MORC2: variants seen among roughly 807,000 people sequenced by gnomAD.
The protein encoded by MORC2 is MORC family CW-type zinc finger 2.
MORC2 carries 30 observed loss-of-function variants against 136.0 expected under a neutral mutation model. The observed-to-expected ratio is 0.22, with a 90% CI of 0.17 to 0.30. The LOEUF (loss-of-function observed/expected upper bound fraction) is 0.30. Among genes scored for constraint, MORC2 ranks in the 10% least tolerant of loss-of-function variants. The probability of loss-of-function intolerance (pLI) is 1.00; values close to 1 mark genes in which losing one functional copy is unlikely to be tolerated. For synonymous variants in MORC2, 439 were observed against 487.0 expected, an observed-to-expected ratio of 0.90 and a Z score of 1.30; for missense variants, 922 against 1,333.1, an observed-to-expected ratio of 0.69 and a Z score of 4.80.
At position 30,934,504 on chromosome 22, in the gene MORC2, C is replaced by A. The variant is rs550080773; in HGVS notation, c.2193+277G>T. Among the ~76,000 whole-genome samples, 1 of 152,294 alleles carries A rather than the reference C, an allele frequency of 6.6e-6. No individual in the cohort carries two copies. Among genetic ancestry groups the A allele is most frequent in the African/African-American group, 2.4e-5 (1 of 41,566 alleles). On this transcript the variant is annotated intron_variant, in intron 19 of 25. Coordinates refer to ENST00000397641, the MANE Select transcript of MORC2 (RefSeq NM_001303256.3). The surrounding 1 kb of genome is among the most constrained non-coding windows in gnomAD (Gnocchi z 4.4). ...GGCTATCTGTCACCAGATGACTGAC[C>A]TAAGCCCACACTTCGAGAGCCAGTG...
intron 2 of MORC2, among the ~76,000 whole-genome samples, chr22:30,957,631 C>G (rs770385254): frequency 2.0e-5 from 3 of 152,282 alleles, no homozygotes; most frequent in African/African-American, 7.2e-5. Flanking sequence ...AAAAAAGCAG[C>G]CTGCCACCGC....
At chr22:30,966,112 G>C (rs538618157) in intron 1 of MORC2, among the ~76,000 whole-genome samples, 4 of 152,330 alleles carry the variant, frequency 2.6e-5, no homozygotes, top group African/African-American at 9.6e-5. Context: ...GTTTAAAATA[G>C]TGACTGATAT....
intron 1 of MORC2, among the ~76,000 whole-genome samples, chr22:30,959,330 T>C (rs1188275966): frequency 3.3e-5 from 5 of 152,216 alleles, no homozygotes; most frequent in Non-Finnish European, 5.9e-5. Context: ...CTAGAAGGAA[T>C]TGTTGGAAAA....
At chr22:30,930,284 C>T (rs182153759) in intron 24 of MORC2, among the ~76,000 whole-genome samples, 2 of 152,366 alleles carry the variant, frequency 1.3e-5, no homozygotes, top group East Asian at 1.9e-4. Context: ...ATCAACAAAT[C>T]TGACAAGATG....
chr22:30,925,204 C>A lies in MORC2; in HGVS notation c.*1599G>T. The A allele has an allele frequency of 1.7e-5, 5 of 287,996 alleles. No homozygotes were observed. The highest frequency in any genetic ancestry group is 1.6e-4 in the South Asian group (5 of 31,236). The allele number at this position is 287,996 out of a possible 1,614,324, so 17.8% of individuals were successfully genotyped here. A position where few individuals can be genotyped will look rare whatever the true frequency, so the allele number is the denominator to read the frequency against. On this transcript the variant is annotated 3_prime_UTR_variant, in exon 26 of 26. Transcript: ENST00000397641. ...GTGTGTGAATTTTAAAAACTGATTACCCTCCAGTAAAAATGTGGAACCAAT... is the reference window on the plus strand; with the variant it reads ...GTGTGTGAATTTTAAAAACTGATTAACCTCCAGTAAAAATGTGGAACCAAT...
chr22:30,945,788 G>A (rs934288579), intron 6 of MORC2, among the ~76,000 whole-genome samples: 1 of 152,210 alleles, frequency 6.6e-6, no homozygotes, highest in African/African-American at 2.4e-5. Context: ...CCACTCCCAA[G>A]ACGAGACCCA....
chr22:30,940,309 A>G (rs994720405), intron 10 of MORC2, among the ~76,000 whole-genome samples: 1 of 151,566 alleles, frequency 6.6e-6, no homozygotes, highest in East Asian at 1.9e-4. Context: ...AAAAAAAAAA[A>G]CACCTAAGGC....
chr22:30,950,337 G>GCGGGGGGGGGCCCCCCCCCCCC, intron 4 of MORC2, 40 bp downstream of exon 4: 1 of 761,768 alleles, frequency 1.3e-6, no homozygotes, highest in Non-Finnish European at 2.3e-6. Context: ...TGGTTACATC[G>GCGGGGGGGGGCCCCCCCCCCCC]CACCCCCCCA....
Position 30,950,427 on chromosome 22 carries a change from C to T in MORC2, c.176G>A (p.Arg59Gln), listed in dbSNP as rs781481050. 3.0e-5 allele frequency: 47 copies of T among 1,568,224 alleles called. No individual in the cohort carries two copies. The highest frequency in any genetic ancestry group is 5.5e-5 in the African/African-American group (4 of 72,116). ...CAAAAAGCAAAGCATAAATCCTCCTCGAAGGTCCTCTCGTCTTTCTGTAAA... is the reference window on the plus strand; with the variant it reads ...CAAAAAGCAAAGCATAAATCCTCCTTGAAGGTCCTCTCGTCTTTCTGTAAA... ...DIYAERREDLRGGFMLCFLDD... is the reference protein window; with the variant it reads ...DIYAERREDLQGGFMLCFLDD... The change falls in exon 4 of 26, where the codon CGA becomes CAA. Residue 59 changes from arginine (R) to glutamine (Q), a missense_variant. By Grantham distance (43) the Arg-to-Gln change is conservative (BLOSUM62 1). This residue lies in a region of MORC2 where 57 missense variants were observed against 71.8 expected (regional missense o/e 0.79). Transcript: ENST00000397641.
chr22:30,929,054 C>A (rs554502747), intron 24 of MORC2, among the ~76,000 whole-genome samples: 45 of 152,328 alleles, frequency 3.0e-4, no homozygotes, highest in African/African-American at 1.1e-3. Flanking sequence ...CCTGGAGAGG[C>A]TTCTAGATGC....
intron 3 of MORC2, 128 bp from the exon 4 acceptor site, chr22:30,950,573 C>G (rs745940415): frequency 2.0e-5 from 17 of 842,938 alleles, no homozygotes; most frequent in Non-Finnish European, 3.2e-5. Context: ...ACTTTCTACG[C>G]TGGTGTGAAT....
Position 30,941,371 on chromosome 22 carries a change from G to C in MORC2, c.824+62C>G. 3.8e-6 allele frequency: 6 copies of C among 1,591,632 alleles called. No individual in the cohort carries two copies. Among genetic ancestry groups the C allele is most frequent in the Non-Finnish European group, 5.1e-6 (6 of 1,167,582 alleles). On this transcript the variant is annotated intron_variant, in intron 9 of 25. Coordinates refer to ENST00000397641, the MANE Select transcript of MORC2 (RefSeq NM_001303256.3). This position sits in a 1 kb window ranked among gnomAD's most constrained non-coding sequence, Gnocchi z 4.6. ...ACAGCATCCCTCTAACAATGCCCCA[G>C]AGAAACGCGGCCACATCCTCGACCC...
chr22:30,967,702 T>C, intron 1 of MORC2, 120 bp downstream of exon 1: 2 of 1,497,566 alleles, frequency 1.3e-6, no homozygotes, highest in South Asian at 2.7e-5. Context: ...AGTGACACAT[T>C]TCACTCCAGT....
Position 30,932,421 on chromosome 22 carries a change from A to G in MORC2, c.2779T>C (p.Phe927Leu). Residue 927 changes from phenylalanine to leucine, a missense_variant, in exon 24 of 26, where the codon TTC (phenylalanine) becomes CTC (leucine). This residue lies in a region of MORC2 where 263 missense variants were observed against 388.3 expected (regional missense o/e 0.68). Coordinates refer to ENST00000397641, the MANE Select transcript of MORC2 (RefSeq NM_001303256.3). This position sits in a 1 kb window ranked among gnomAD's most constrained non-coding sequence, Gnocchi z 4.4. ...NCLRYFLPPS[F>L]PISKKQLSAM... Reference sequence around the variant, plus strand: ...CTCAGCTGCTTCTTGGAGATGGGGAAACTTGGAGGCAGGAAGTACCGTAAA... The same window carrying G: ...CTCAGCTGCTTCTTGGAGATGGGGAGACTTGGAGGCAGGAAGTACCGTAAA... The G allele has an allele frequency of 6.2e-7, 1 of 1,614,180 alleles. No homozygotes were observed. Among genetic ancestry groups the G allele is most frequent in the Non-Finnish European group, 8.5e-7 (1 of 1,180,004 alleles).
At chr22:30,963,388 C>CAT in intron 1 of MORC2, 1 of 698,062 alleles carries the variant, frequency 1.4e-6, no homozygotes, top group Non-Finnish European at 1.7e-6. Context: ...CTGATTATGG[C>CAT]TTTTTTTTTT....
rs2040674543 is a variant in MORC2, at chr22:30,937,671, G to A, written c.1410C>T (p.Tyr470=). 6.2e-7 allele frequency: 1 copy of A among 1,613,970 alleles called. No individual in the cohort carries two copies. Among genetic ancestry groups the A allele is most frequent in the Non-Finnish European group, 8.5e-7 (1 of 1,180,040 alleles). ...GGGGCTGGTTCCAGTTGGCAGAGAG[G>A]TAGCCAAACTCATCCCAGAACTTGA... ...GIIKFWDEFG[Y]LSANWNQPPS... is the part of the protein sequence containing the mutation. The change falls in exon 15 of 26, where the codon TAC becomes TAT. Residue 470 remains tyrosine (Y), a synonymous_variant. Coordinates refer to ENST00000397641, the MANE Select transcript of MORC2 (RefSeq NM_001303256.3). The surrounding 1 kb of genome is among the most constrained non-coding windows in gnomAD (Gnocchi z 4.7).
intron 1 of MORC2, chr22:30,963,365 C>G: frequency 1.1e-6 from 1 of 948,958 alleles, no homozygotes; most frequent in Non-Finnish European, 1.3e-6. Flanking sequence ...TTTGAAAATT[C>G]GTTCACTTTC....
intron 6 of MORC2, among the ~76,000 whole-genome samples, chr22:30,942,729 G>C (rs2040759472): frequency 6.6e-6 from 1 of 152,074 alleles, no homozygotes; most frequent in South Asian, 2.1e-4. Context: ...CCCAGGCCTG[G>C]TGCAGTGGCT....
chr22:30,934,142 A>G lies in MORC2; in HGVS notation c.2243T>C (p.Val748Ala), dbSNP rs746418433. ...CTTCCTCCTCTCAGCTTCCTCCTCA[A>G]CTTCTTCCTCATCAGAAACTGCGAC... Reference protein sequence around the residue: ...RSVAVSDEEEVEEEAERRKER... With the variant: ...RSVAVSDEEEAEEEAERRKER... The change falls in exon 20 of 26, where the codon GTT (valine) becomes GCT (alanine). Residue 748 changes from valine to alanine, a missense_variant. Around this residue, in one of 9 missense-constraint regions of MORC2, gnomAD observed 263 missense variants for 388.3 expected, o/e 0.68. Coordinates refer to ENST00000397641, the MANE Select transcript of MORC2 (RefSeq NM_001303256.3). This position sits in a 1 kb window ranked among gnomAD's most constrained non-coding sequence, Gnocchi z 4.4. 3.8e-5 allele frequency: 62 copies of G among 1,613,686 alleles called. No homozygotes were observed. The highest frequency in any genetic ancestry group is 5.0e-5 in the Admixed American group (3 of 59,970).
Sources: allele counts gnomAD v4.1 joint callset (sites outside exome capture counted in the v4.1 genomes callset), GRCh38; gene constraint gnomAD v4.1.1; regional missense constraint gnomAD v4.1.1; non-coding constraint Gnocchi (gnomAD v3.1); transcripts MANE v1.5; gene names NCBI Gene and HGNC (gene_info 2026-07-23, HGNC 2026-07-21).